TRAF3IP1: variants seen among roughly 807,000 people sequenced by gnomAD.
TRAF3IP1 encodes the protein TRAF3-interacting protein 1.
TRAF3IP1 carries 53 observed loss-of-function variants against 89.9 expected under a neutral mutation model. The observed-to-expected ratio is 0.59, with a 90% confidence interval of 0.47 to 0.74. The LOEUF is 0.74. Ranked by LOEUF, TRAF3IP1 falls within the 30% of genes least tolerant of loss-of-function variation. The pLI is 0.00. For missense variants in TRAF3IP1, 806 were observed against 866.1 expected (o/e 0.93, Z 0.87); for synonymous variants, 311 against 322.1 (o/e 0.97, Z 0.37).
intron 15 of TRAF3IP1, among the ~76,000 whole-genome samples, chr2:238,376,611 CTT>C (rs1700327526): frequency 6.6e-6 from 1 of 152,080 alleles, no homozygotes; most frequent in African/African-American, 2.4e-5. Flanking sequence ...GCTTTAAAGT[CTT>C]TTAGTGAATG....
rs889966819 is a variant in TRAF3IP1 at position 238,345,132 on chromosome 2, G to C, written c.1261+534G>C. ...AGGCCTGCAAGGGTACCAGTGCCCA[G>C]GTAACCAAGGCTTGTGCAGGTGGCA... On this transcript the variant is annotated intron_variant, in intron 9 of 16. Coordinates refer to ENST00000373327, the MANE Select transcript of TRAF3IP1 (RefSeq NM_015650.4). This position sits in a 1 kb window ranked among gnomAD's most constrained non-coding sequence, Gnocchi z 4.7. Among the ~76,000 whole-genome samples, 3 of 152,246 alleles carry C rather than the reference G, an allele frequency of 2.0e-5. No individual in the cohort carries two copies. Among genetic ancestry groups the C allele is most frequent in the Non-Finnish European group, 4.4e-5 (3 of 68,038 alleles).
intron 14 of TRAF3IP1, among the ~76,000 whole-genome samples, chr2:238,354,852 A>G (rs1699337610): frequency 1.3e-5 from 2 of 151,424 alleles, no homozygotes; most frequent in Non-Finnish European, 2.9e-5. Flanking sequence ...GGGTTTCACC[A>G]TGTTGGCCAG....
At position 238,344,417 on chromosome 2, in the gene TRAF3IP1, G is replaced by A. The variant is rs147538341; in HGVS notation, c.1160-80G>A. ...TGGGAAAACATAGATAAGTAAGTGT[G>A]CTCTATGTTAATGAAGCCGCTGATC... On this transcript the variant is annotated intron_variant, in intron 8 of 16. Transcript: ENST00000373327. 1.1e-4 allele frequency: 120 copies of A among 1,080,008 alleles called. No homozygotes were observed. The East Asian group carries it at 2.1e-3, about 19-fold the overall frequency. 66.9% of individuals were successfully genotyped at this position (1,080,008 alleles called of 1,614,324 possible).
chr2:238,340,136 C>G (rs1056013668), intron 8 of TRAF3IP1, among the ~76,000 whole-genome samples: 2 of 152,180 alleles, frequency 1.3e-5, no homozygotes, highest in Admixed American at 1.3e-4. Flanking sequence ...TTCTCCTCCC[C>G]CCGACCCTGG....
At chr2:238,393,300 CAT>C (rs1246989323) in intron 15 of TRAF3IP1, among the ~76,000 whole-genome samples, 2 of 152,170 alleles carry the variant, frequency 1.3e-5, no homozygotes, top group Non-Finnish European at 2.9e-5. Flanking sequence ...TGATTTCAAA[CAT>C]ATTTTCATGT....
rs199710001 is a variant in TRAF3IP1 at position 238,383,602 on chromosome 2, C to G, written c.1690-13857C>G. On this transcript the variant is annotated intron_variant, in intron 15 of 16. Transcript: ENST00000373327. ...CTTGCCCACGTATTTTTTAGCACCT[C>G]TCTAACGTTTCCTAAGGTAAATCTC... is the stretch of plus-strand genomic sequence containing the variant. 2.6e-5 allele frequency among the ~76,000 whole-genome samples: 4 copies of G among 152,180 alleles called. No individual in the cohort carries two copies. The East Asian group carries it at 7.7e-4, about 29-fold the overall frequency.
At chr2:238,392,443 T>G (rs1574978177) in intron 15 of TRAF3IP1, among the ~76,000 whole-genome samples, 1 of 152,206 alleles carries the variant, frequency 6.6e-6, no homozygotes, top group East Asian at 1.9e-4. Flanking sequence ...AGTTCTCCAT[T>G]TCTGTAACTT....
intron 5 of TRAF3IP1, among the ~76,000 whole-genome samples, chr2:238,332,183 A>G (rs1698158326): frequency 6.6e-6 from 1 of 152,224 alleles, no homozygotes; most frequent in Admixed American, 6.5e-5. Flanking sequence ...GAAATATCGA[A>G]CAGGCATTCT....
At chr2:238,361,536 G>T (rs756361065) in intron 15 of TRAF3IP1, among the ~76,000 whole-genome samples, 45 of 152,074 alleles carry the variant, frequency 3.0e-4, no homozygotes, top group South Asian at 2.1e-4. Flanking sequence ...CTGGAAGTGT[G>T]ATTTTCTGCT....
rs747134709 is a variant in TRAF3IP1 at position 238,320,765 on chromosome 2, C to A, written c.103C>A (p.Leu35Met). The A allele has an allele frequency of 7.0e-7, 1 of 1,429,232 alleles. No individual in the cohort carries two copies. 88.5% of individuals were successfully genotyped at this position (1,429,232 alleles called of 1,614,324 possible). The stretch of plus-strand genomic sequence containing the variant: ...GCTGAGCAAGCCCCCGTTCCGCTAC[C>A]TGCACGACATCATCACGGAGGTGGG... ...KLLSKPPFRY[L>M]HDIITEVIRM... The change falls in exon 1 of 17, where the codon CTG (leucine) becomes ATG (methionine). Residue 35 changes from leucine to methionine, a missense_variant. Leu to Met is a conservative substitution (Grantham distance 15, BLOSUM62 2). Coordinates refer to ENST00000373327, the MANE Select transcript of TRAF3IP1 (RefSeq NM_015650.4).
chr2:238,326,485 G>C (rs556182253), intron 3 of TRAF3IP1, among the ~76,000 whole-genome samples: 1 of 152,152 alleles, frequency 6.6e-6, no homozygotes, highest in South Asian at 2.1e-4. Flanking sequence ...CTCGGTTGCT[G>C]TTTCAGTTGT....
chr2:238,397,596 A>G lies in TRAF3IP1; in HGVS notation c.1827A>G (p.Glu609=). The change falls in exon 16 of 17, where the codon GAA becomes GAG. Residue 609 remains glutamate, a synonymous_variant. Transcript: ENST00000373327. ...GGAAGATCATGGACTACATCCAGGA[A>G]GACGTGGATGCCATGCAGAATGAGC... is the stretch of plus-strand genomic sequence containing the variant. ...PLGKIMDYIQ[E]DVDAMQNELQ... 1 of 1,612,898 alleles carries G rather than the reference A, an allele frequency of 6.2e-7. No homozygotes were observed. The highest frequency in any genetic ancestry group is 8.5e-7 in the Non-Finnish European group (1 of 1,179,922).
At position 238,399,018 on chromosome 2, in the gene TRAF3IP1, T is replaced by C. The variant is rs1322474799; in HGVS notation, c.*99T>C. The C allele has an allele frequency of 4.5e-6, 5 of 1,113,506 alleles. No homozygotes were observed. In the Admixed American group the frequency reaches 8.0e-5, roughly 18 times the overall value. 69.0% of individuals were successfully genotyped at this position (1,113,506 alleles called of 1,614,324 possible). ...TTTAAGTTCCAGTTTGCTAAGAAAA[T>C]GAACAGTTTACAATGTTATTATCCA... On this transcript the variant is annotated 3_prime_UTR_variant, in exon 17 of 17. Coordinates refer to ENST00000373327, the MANE Select transcript of TRAF3IP1 (RefSeq NM_015650.4).
Position 238,327,780 on chromosome 2 carries a change from TTCTG to T in TRAF3IP1, c.355-902_355-899del, listed in dbSNP as rs1209741333. Among the ~76,000 whole-genome samples, 8 of 152,200 alleles carry T rather than the reference TTCTG, an allele frequency of 5.3e-5. No individual in the cohort carries two copies. In the Middle Eastern group the frequency reaches 0.01, roughly 195 times the overall value. On this transcript the variant is annotated intron_variant, in intron 3 of 16. Transcript: ENST00000373327. ...AGCCCCTGGCACCCTCCATTCTACT[TTCTG>T]TCTCTATGAATCTGACTACTCTAGG...
intron 8 of TRAF3IP1, among the ~76,000 whole-genome samples, chr2:238,342,202 T>A (rs1270802365): frequency 6.6e-6 from 1 of 152,172 alleles, no homozygotes; most frequent in Non-Finnish European, 1.5e-5. Flanking sequence ...TTGGCCAGAC[T>A]GGTCTCAAAC....
In TRAF3IP1 at chr2:238,392,732, G is replaced by A. The variant is rs536748; in HGVS notation, c.1690-4727G>A. Among the ~76,000 whole-genome samples, 781 of 152,188 alleles carry A rather than the reference G, an allele frequency of 5.1e-3. 5 individuals carry two copies. Among genetic ancestry groups the A allele is most frequent in the Non-Finnish European group, 6.6e-3 (446 of 68,002 alleles). On this transcript the variant is annotated intron_variant, in intron 15 of 16. Transcript: ENST00000373327. Reference sequence around the variant, plus strand: ...GCTGGGATTACAGGCATGCGCCACCGCGCCCAGCTAACTTTGTATTTTTAG... The same window carrying A: ...GCTGGGATTACAGGCATGCGCCACCACGCCCAGCTAACTTTGTATTTTTAG...
rs757935920 is a variant in TRAF3IP1 at position 238,334,004 on chromosome 2, A to G, written c.1032A>G (p.Thr344=). 2 of 1,611,306 alleles carry G rather than the reference A, an allele frequency of 1.2e-6. No homozygotes were observed. The highest frequency in any genetic ancestry group is 1.7e-6 in the Non-Finnish European group (2 of 1,178,598). ...TRASKSLTTK[T]SKRRSKNSVE... Reference sequence around the variant, plus strand: ...CTTCCAAGTCATTGACAACAAAAACATCAAAACGGCGATCCAAAAATTCAG... The same window carrying G: ...CTTCCAAGTCATTGACAACAAAAACGTCAAAACGGCGATCCAAAAATTCAG... Residue 344 remains threonine (T), a synonymous_variant, in exon 7 of 17, where the codon ACA becomes ACG. Coordinates refer to ENST00000373327, the MANE Select transcript of TRAF3IP1 (RefSeq NM_015650.4).
In TRAF3IP1 at chr2:238,351,870, CGCGCGCGCGTGTGCGT is replaced by C. The variant is rs1699182458; in HGVS notation, c.1452-954_1452-939del. On this transcript the variant is annotated intron_variant, in intron 12 of 16. Transcript: ENST00000373327. The surrounding 1 kb of genome is among the most constrained non-coding windows in gnomAD (Gnocchi z 5.2). ...GTGTGTGTGTGTGTGTGTGTGTGCGCGCGCGCGCGTGTGCGTGCATGTGCTTGTGTGTATGCGTGTG... is the reference window on the plus strand; with the variant it reads ...GTGTGTGTGTGTGTGTGTGTGTGCGCGCATGTGCTTGTGTGTATGCGTGTG... Among the ~76,000 whole-genome samples, 2 of 143,790 alleles carry C rather than the reference CGCGCGCGCGTGTGCGT, an allele frequency of 1.4e-5. No individual in the cohort carries two copies. Among genetic ancestry groups the C allele is most frequent in the Non-Finnish European group, 3.0e-5 (2 of 67,034 alleles). 94.3% of individuals were successfully genotyped at this position (143,790 alleles called of 152,430 possible).
intron 12 of TRAF3IP1, among the ~76,000 whole-genome samples, 190 bp from the exon 13 acceptor site, chr2:238,352,637 G>A (rs1699224901): frequency 6.6e-6 from 1 of 152,160 alleles, no homozygotes; most frequent in South Asian, 2.1e-4. Context: ...AGGGACTCAG[G>A]CCTGGAGGGC....
Sources: gnomAD v4.1 joint callset for allele counts (sites outside exome capture counted in the v4.1 genomes callset) on GRCh38, gnomAD v4.1.1 for gene constraint, Gnocchi (gnomAD v3.1) non-coding constraint, MANE v1.5 for transcripts, NCBI Gene and HGNC (gene_info 2026-07-23, HGNC 2026-07-21) for gene names.